TRPM1: variants seen among roughly 807,000 people sequenced by gnomAD.
The protein encoded by TRPM1 is transient receptor potential cation channel subfamily M member 1.
TRPM1 carries 113 observed loss-of-function variants against 149.4 expected under a neutral mutation model. The ratio of observed to expected loss-of-function variants is 0.76; its 90% CI spans 0.65 to 0.88. The LOEUF (loss-of-function observed/expected upper bound fraction) is 0.88. Ranked by LOEUF, TRPM1 falls within the 40% of genes least tolerant of loss-of-function variation. The pLI, the probability that TRPM1 is intolerant of heterozygous loss-of-function variation, is 0.00. For missense variants in TRPM1, 1,976 were observed against 2,038.7 expected, an observed-to-expected ratio of 0.97 and a Z score of 0.59; for synonymous variants, 741 against 759.5, an observed-to-expected ratio of 0.98 and a Z score of 0.40.
chr15:31,060,636 C>T lies in TRPM1; in HGVS notation c.1171G>A (p.Val391Ile), dbSNP rs368644281. The T allele has an allele frequency of 1.8e-4, 295 of 1,614,000 alleles. No homozygotes were observed. Among genetic ancestry groups the T allele is most frequent in the Non-Finnish European group, 2.4e-4 (283 of 1,179,912 alleles). The change falls in exon 11 of 28, where the codon GTA (valine) becomes ATA (isoleucine). Residue 391 changes from valine to isoleucine, a missense_variant. Coordinates refer to ENST00000256552, the MANE Select transcript of TRPM1 (RefSeq NM_001252024.2). Reference sequence around the variant, plus strand: ...AAGCTCAGCTGATCTGGAGCAGATACGTTTGTTCCTGGAAAGGCAAGAAAC... The same window carrying T: ...AAGCTCAGCTGATCTGGAGCAGATATGTTTGTTCCTGGAAAGGCAAGAAAC... ...ILTALLKGTN[V>I]SAPDQLSLAL... is the part of the protein sequence containing the mutation.
In TRPM1 at chr15:31,113,861, G is replaced by A. The variant is rs2338851; in HGVS notation, c.55-36877C>T. 5.9e-3 allele frequency among the ~76,000 whole-genome samples: 891 copies of A among 151,586 alleles called. 10 individuals are homozygous for A. Among genetic ancestry groups the A allele is most frequent in the Admixed American group, 0.034 (518 of 15,254 alleles). ...CAGCAAAACAACGACGCTCCCACAC[G>A]CTGGAAGGGTACCGAGCAAATTGAC... On this transcript the variant is annotated intron_variant, in intron 1 of 26. Coordinates refer to the TRPM1 transcript ENST00000542188.
At chr15:31,099,442 A>C (rs2035466609) in intron 1 of TRPM1, among the ~76,000 whole-genome samples, 1 of 152,070 alleles carries the variant, frequency 6.6e-6, no homozygotes, top group African/African-American at 2.4e-5. Context: ...GACATCTTCC[A>C]AACATTGTCA....
intron 27 of TRPM1, among the ~76,000 whole-genome samples, chr15:31,005,104 A>AAAATAAATAAATAAATAAAT (rs71420541): frequency 0.017 from 2,496 of 142,798 alleles, 43 homozygotes; most frequent in Non-Finnish European, 0.02. Context: ...TCCATCTCAA[A>AAAATAAATAAATAAATAAAT]AAATAAATAA....
chr15:31,071,087 G>A (rs929236440), intron 3 of TRPM1, among the ~76,000 whole-genome samples: 2 of 152,176 alleles, frequency 1.3e-5, no homozygotes, highest in Non-Finnish European at 2.9e-5. Flanking sequence ...CTCTGAACAT[G>A]TTCCCTGGCT....
chr15:31,126,703 C>T (rs1218070212), intron 1 of TRPM1, among the ~76,000 whole-genome samples: 1 of 152,132 alleles, frequency 6.6e-6, no homozygotes, highest in Non-Finnish European at 1.5e-5. Context: ...GTGGCTCAAG[C>T]CTGTAATCCC....
At chr15:31,146,109 C>T (rs1002678634) in intron 1 of TRPM1, among the ~76,000 whole-genome samples, 4 of 152,244 alleles carry the variant, frequency 2.6e-5, no homozygotes, top group Admixed American at 2.0e-4. Flanking sequence ...AACTCCTTAT[C>T]GTCACAATAG....
chr15:31,024,484 G>A (rs886293656), intron 27 of TRPM1, among the ~76,000 whole-genome samples: 2 of 152,126 alleles, frequency 1.3e-5, no homozygotes, highest in Non-Finnish European at 2.9e-5. Flanking sequence ...TGCTCCCATC[G>A]CTCCTGGGAT....
At chr15:31,029,282 C>T (rs2032944571) in intron 24 of TRPM1, 89 bp downstream of exon 24, 1 of 1,355,682 alleles carries the variant, frequency 7.4e-7, no homozygotes, top group Non-Finnish European at 1.0e-6. Context: ...TATTTGAAAA[C>T]AGTTTAAGAC....
intron 1 of TRPM1, among the ~76,000 whole-genome samples, chr15:31,129,031 T>G (rs1258385091): frequency 2.0e-5 from 3 of 152,210 alleles, no homozygotes; most frequent in Non-Finnish European, 2.9e-5. Flanking sequence ...CTCGGGAGCT[T>G]GCAGGAGGGG....
chr15:31,008,863 G>C (rs2032085772), intron 27 of TRPM1, among the ~76,000 whole-genome samples: 1 of 152,144 alleles, frequency 6.6e-6, no homozygotes, highest in Non-Finnish European at 1.5e-5. Context: ...TGCTGCAGTT[G>C]TCATATATTG....
intron 1 of TRPM1, among the ~76,000 whole-genome samples, chr15:31,151,074 C>G (rs1270634955): frequency 6.6e-6 from 1 of 152,192 alleles, no homozygotes; most frequent in Non-Finnish European, 1.5e-5. Context: ...ATTCGGCCCC[C>G]TCTCTGTGGC....
chr15:31,104,523 C>A (rs145499889), upstream of TRPM1, among the ~76,000 whole-genome samples: 11 of 149,864 alleles, frequency 7.3e-5, no homozygotes, highest in Non-Finnish European at 1.5e-4. Flanking sequence ...GCAATGCCGG[C>A]GGACTTTGGT....
intron 1 of TRPM1, among the ~76,000 whole-genome samples, chr15:31,154,570 AT>A (rs1404192380): frequency 6.6e-6 from 1 of 152,214 alleles, no homozygotes; most frequent in Non-Finnish European, 1.5e-5. Context: ...TTAGTTTATA[AT>A]TTATAGTTTA....
intron 13 of TRPM1, among the ~76,000 whole-genome samples, chr15:31,048,793 C>A (rs1317445371): frequency 6.6e-6 from 1 of 151,914 alleles, no homozygotes; most frequent in Non-Finnish European, 1.5e-5. Context: ...GCCTGGGCAA[C>A]AAGAGAGACT....
intron 1 of TRPM1, among the ~76,000 whole-genome samples, chr15:31,143,613 A>G (rs977570705): frequency 5.3e-5 from 8 of 152,132 alleles, no homozygotes; most frequent in African/African-American, 1.9e-4. Context: ...GGGTTTCACC[A>G]TCTTGGCCAG....
chr15:31,028,305 C>T (rs770629444), intron 25 of TRPM1, 27 bp downstream of exon 25: 1 of 1,613,782 alleles, frequency 6.2e-7, no homozygotes, highest in Admixed American at 1.7e-5. Context: ...AAATAATAAG[C>T]ATGTGGTCAT....
chr15:31,042,248 G>T lies in TRPM1; in HGVS notation c.1795-5C>A. ...TTTAGCTGGAGGCTCATCATCCTGA[G>T]GGGAGAAACATGGATTTCATGGTTT... On this transcript the variant is annotated splice_region_variant and splice_polypyrimidine_tract_variant and intron_variant, in intron 16 of 27. Coordinates refer to ENST00000256552, the MANE Select transcript of TRPM1 (RefSeq NM_001252024.2). The T allele has an allele frequency of 1.3e-6, 2 of 1,564,508 alleles. No homozygotes were observed. Among genetic ancestry groups the T allele is most frequent in the Non-Finnish European group, 8.7e-7 (1 of 1,154,538 alleles).
intron 1 of TRPM1, among the ~76,000 whole-genome samples, chr15:31,147,893 C>T (rs965951043): frequency 6.6e-6 from 1 of 152,166 alleles, no homozygotes; most frequent in African/African-American, 2.4e-5. Context: ...GAACAGCCTG[C>T]CAATCATGGT....
intron 11 of TRPM1, among the ~76,000 whole-genome samples, chr15:31,051,828 T>C (rs4779809): frequency 0.39 from 59,240 of 151,920 alleles, 13,723 homozygotes; most frequent in East Asian, 0.83. Flanking sequence ...GCTCCTTATG[T>C]CCCAAACCAC....
Sources: allele counts gnomAD v4.1 joint callset (sites outside exome capture counted in the v4.1 genomes callset), GRCh38; gene constraint gnomAD v4.1.1; transcripts MANE v1.5; gene names NCBI Gene and HGNC (gene_info 2026-07-23, HGNC 2026-07-21).